The following GALNT1 variants were observed in gnomAD, a reference collection of about 807,000 sequenced individuals.
GALNT1 encodes GalNAc transferase 1.
A neutral mutation model predicts 65.7 loss-of-function variants in GALNT1; 17 were observed. The observed-to-expected ratio is 0.26, with a 90% CI of 0.18 to 0.39. The LOEUF (loss-of-function observed/expected upper bound fraction) is 0.39, where lower values mean the gene tolerates loss of function less well. Ranked by LOEUF, GALNT1 falls within the 10% of genes least tolerant of loss-of-function variation. The probability of loss-of-function intolerance (pLI) is 1.00; values close to 1 mark genes in which losing one functional copy is unlikely to be tolerated. For missense variants in GALNT1, 460 were observed against 672.8 expected, an observed-to-expected ratio of 0.68 and a Z score of 3.50; for synonymous variants, 210 against 219.7, an observed-to-expected ratio of 0.96 and a Z score of 0.39.
upstream of GALNT1, chr18:35,581,602 G>T (rs1371315590): frequency 7.9e-3 from 2 of 252 alleles, no homozygotes; most frequent in South Asian, 0.014. Context: ...CATGCGGGGC[G>T]GCCCGGAGTA....
chr18:35,670,145 A>G (rs1018136433), intron 3 of GALNT1, among the ~76,000 whole-genome samples: 5 of 152,102 alleles, frequency 3.3e-5, no homozygotes, highest in African/African-American at 1.2e-4. Flanking sequence ...TTAAATAACT[A>G]GCTGGACACA....
chr18:35,610,317 G>A (rs549787374), intron 1 of GALNT1, among the ~76,000 whole-genome samples: 6 of 152,276 alleles, frequency 3.9e-5, no homozygotes, highest in East Asian at 1.9e-4. Context: ...CAGAGAAGCC[G>A]TTCCTGATCA....
At chr18:35,702,312 A>G (rs2048178157) in intron 9 of GALNT1, among the ~76,000 whole-genome samples, 1 of 152,236 alleles carries the variant, frequency 6.6e-6, no homozygotes, top group African/African-American at 2.4e-5. Flanking sequence ...TTAATTTACC[A>G]TATGCTTTTA....
chr18:35,611,212 G>A (rs2046711978), intron 1 of GALNT1, among the ~76,000 whole-genome samples: 1 of 152,126 alleles, frequency 6.6e-6, no homozygotes, highest in Non-Finnish European at 1.5e-5. Flanking sequence ...GTGCATATGT[G>A]GTGGGAATAC....
intron 1 of GALNT1, among the ~76,000 whole-genome samples, chr18:35,601,869 A>G (rs2046586720): frequency 6.6e-6 from 1 of 152,082 alleles, no homozygotes; most frequent in African/African-American, 2.4e-5. Context: ...TTTTTGATAG[A>G]TTTGTCTTTT....
intron 3 of GALNT1, among the ~76,000 whole-genome samples, chr18:35,675,585 C>G (rs556933446): frequency 6.6e-6 from 1 of 152,236 alleles, no homozygotes; most frequent in African/African-American, 2.4e-5. Context: ...TCTGCAGAAC[C>G]TGCTGTCTCC....
chr18:35,623,075 G>A (rs1268452380), intron 1 of GALNT1, among the ~76,000 whole-genome samples: 1 of 151,974 alleles, frequency 6.6e-6, no homozygotes, highest in African/African-American at 2.4e-5. Flanking sequence ...TTTTAATTGG[G>A]TATACATCTT....
intron 3 of GALNT1, chr18:35,664,031 G>T (rs2047511891): frequency 2.2e-6 from 1 of 462,258 alleles, no homozygotes; most frequent in Middle Eastern, 5.8e-4. Flanking sequence ...TATCTTAATG[G>T]ATTAGAAGGG....
At chr18:35,642,844 T>TCA (rs1844437056) in intron 1 of GALNT1, among the ~76,000 whole-genome samples, 1 of 152,078 alleles carries the variant, frequency 6.6e-6, no homozygotes, top group Non-Finnish European at 1.5e-5. Context: ...CCTCGTTGGG[T>TCA]CACTGAAGCC....
intron 1 of GALNT1, among the ~76,000 whole-genome samples, chr18:35,645,128 ATTAG>A (rs934184836): frequency 6.0e-5 from 9 of 151,024 alleles, no homozygotes; most frequent in East Asian, 1.9e-4. Flanking sequence ...TCATCTATTC[ATTAG>A]TTAGTTATTC....
chr18:35,696,082 C>T (rs558867975), intron 9 of GALNT1, among the ~76,000 whole-genome samples: 1 of 152,296 alleles, frequency 6.6e-6, no homozygotes, highest in East Asian at 1.9e-4. Flanking sequence ...AGCGTTTACC[C>T]TCTGTGGCCT....
At chr18:35,664,138 G>A (rs913269799) in intron 3 of GALNT1, 8 of 290,116 alleles carry the variant, frequency 2.8e-5, no homozygotes, top group Non-Finnish European at 3.9e-5. Context: ...ATACACAGTC[G>A]TAAGTATACA....
At chr18:35,661,328 A>C (rs750287258) in intron 2 of GALNT1, among the ~76,000 whole-genome samples, 10 of 151,956 alleles carry the variant, frequency 6.6e-5, no homozygotes, top group Non-Finnish European at 1.3e-4. Flanking sequence ...GTGAAACCCC[A>C]TTTCTACTGA....
At position 35,687,171 on chromosome 18, in the gene GALNT1, G is replaced by A. The variant is rs779585715; in HGVS notation, c.845G>A (p.Arg282Gln). 1 of 1,612,868 alleles carries A rather than the reference G, an allele frequency of 6.2e-7. No individual in the cohort carries two copies. Among genetic ancestry groups the A allele is most frequent in the East Asian group, 2.2e-5 (1 of 44,852 alleles). The change falls in exon 6 of 12, where the codon CGG (arginine) becomes CAG (glutamine). Residue 282 changes from arginine to glutamine, a missense_variant. By Grantham distance (43) the Arg-to-Gln change is conservative. Transcript: ENST00000269195. ...GAAATGGACAGAAGGAAAGGTGATC[G>A]GACTCTTCCTGTCAGGTAATTAATT... Reference protein sequence around the residue: ...QREMDRRKGDRTLPVRTPTMA... With the variant: ...QREMDRRKGDQTLPVRTPTMA...
chr18:35,692,404 C>T, intron 9 of GALNT1, 84 bp downstream of exon 9: 1 of 839,080 alleles, frequency 1.2e-6, no homozygotes, highest in Non-Finnish European at 1.7e-6. Flanking sequence ...AGTTAAACTT[C>T]CAATAAGGAA....
At chr18:35,632,290 C>A (rs1468110287) in intron 1 of GALNT1, among the ~76,000 whole-genome samples, 1 of 152,198 alleles carries the variant, frequency 6.6e-6, no homozygotes, top group Non-Finnish European at 1.5e-5. Flanking sequence ...TGCTACCTGA[C>A]TTCAAACTAT....
At chr18:35,688,018 ACTTTT>A (rs1299712553) in intron 6 of GALNT1, among the ~76,000 whole-genome samples, 1 of 152,120 alleles carries the variant, frequency 6.6e-6, no homozygotes, top group African/African-American at 2.4e-5. Context: ...AGTGCAAGGG[ACTTTT>A]CTTCTCTTTA....
chr18:35,703,149 A>AT (rs201042863), intron 10 of GALNT1, among the ~76,000 whole-genome samples, 154 bp downstream of exon 10: 12,845 of 147,770 alleles, frequency 0.087, 612 homozygotes, highest in African/African-American at 0.13. Flanking sequence ...CAATCCAGTG[A>AT]TTTTTTTTTT....
intron 3 of GALNT1, among the ~76,000 whole-genome samples, chr18:35,666,204 T>G (rs544763092): frequency 6.6e-6 from 1 of 152,284 alleles, no homozygotes; most frequent in South Asian, 2.1e-4. Context: ...TTAAAAAAAT[T>G]GTTCAGAGAA....
Sources: gnomAD v4.1 joint callset for allele counts (sites outside exome capture counted in the v4.1 genomes callset) on GRCh38, gnomAD v4.1.1 for gene constraint, MANE v1.5 for transcripts, NCBI Gene and HGNC (gene_info 2026-07-23, HGNC 2026-07-21) for gene names.